The following COL4A6 variants were observed in gnomAD, a reference collection of about 807,000 sequenced individuals.
The protein encoded by COL4A6 is collagen type IV alpha 6 chain, also known as collagen alpha-6(IV) chain.
Under a neutral mutation model 126.7 loss-of-function variants are expected in COL4A6, and 59 were observed. The observed-to-expected ratio is 0.47, with a 90% CI of 0.38 to 0.58. The LOEUF (loss-of-function observed/expected upper bound fraction) is 0.58. Among genes scored for constraint, COL4A6 ranks in the 20% least tolerant of loss-of-function variants. The probability of loss-of-function intolerance (pLI) is 0.00; values close to 1 mark genes in which losing one functional copy is unlikely to be tolerated. For missense variants in COL4A6, 1,285 were observed against 1,337.3 expected (o/e 0.96, Z 0.61); for synonymous variants, 547 against 496.6 (o/e 1.10, Z -1.35).
At chrX:108,377,389 C>CTT (rs977886430) in intron 2 of COL4A6, among the ~76,000 whole-genome samples, 2 of 97,590 alleles carry the variant, frequency 2.0e-5, no homozygotes, top group Admixed American at 2.2e-4. Context: ...CTTCCTCTTT[C>CTT]TTTTTTTTTT....
rs1396799937 is a variant in COL4A6, at chrX:108,162,961, G to C, written c.4147C>G (p.Leu1383Val). Residue 1383 changes from leucine (L) to valine (V), a missense_variant, in exon 41 of 45, where the codon CTA becomes GTA. Physicochemically the swap from Leu to Val is conservative, Grantham distance 32. Transcript: ENST00000334504. ...AVQVPPGPLG[L>V]PGIDGIPGLT... Reference sequence around the variant, plus strand: ...CCAGGGATGCCATCGATCCCTGGTAGACCCAAGGGTCCAGGAGGAACCTGG... The same window carrying C: ...CCAGGGATGCCATCGATCCCTGGTACACCCAAGGGTCCAGGAGGAACCTGG... 1 of 1,200,283 alleles carries C rather than the reference G, an allele frequency of 8.3e-7. No homozygotes were observed. The highest frequency in any genetic ancestry group is 1.1e-6 in the Non-Finnish European group (1 of 890,915).
In COL4A6 at chrX:108,275,082, G is replaced by C. The variant is rs573876471; in HGVS notation, c.144+35666C>G. Among the ~76,000 whole-genome samples the C allele has an allele frequency of 2.6e-4, 29 of 110,734 alleles. 1 individual carries two copies. The South Asian group carries it at 0.011, about 43-fold the overall frequency. Reference sequence around the variant, plus strand: ...AAGAAATCTAGGGGTATATACATTAGGATGTTAACACTAATCATCCCTGCT... The same window carrying C: ...AAGAAATCTAGGGGTATATACATTACGATGTTAACACTAATCATCCCTGCT... On this transcript the variant is annotated intron_variant, in intron 3 of 44. Transcript: ENST00000334504.
intron 8 of COL4A6, among the ~76,000 whole-genome samples, chrX:108,209,132 C>T (rs1300602958): frequency 8.9e-6 from 1 of 112,205 alleles, no homozygotes; most frequent in Non-Finnish European, 1.9e-5. Flanking sequence ...TGTGCTTGCA[C>T]ACATCCCATT....
At chrX:108,249,965 G>A (rs1028429727) in intron 3 of COL4A6, among the ~76,000 whole-genome samples, 5 of 111,575 alleles carry the variant, frequency 4.5e-5, no homozygotes, top group African/African-American at 1.6e-4. Context: ...GGGACACGGA[G>A]CTTGAAATAC....
chrX:108,274,602 A>G (rs2037546684), intron 3 of COL4A6, among the ~76,000 whole-genome samples: 1 of 112,110 alleles, frequency 8.9e-6, no homozygotes, highest in Admixed American at 9.5e-5. Flanking sequence ...AGCATCAGGA[A>G]TACAGAAAAT....
At chrX:108,176,811 A>G in intron 28 of COL4A6, 30 bp downstream of exon 28, 1 of 1,176,455 alleles carries the variant, frequency 8.5e-7, no homozygotes, top group Non-Finnish European at 1.1e-6. Flanking sequence ...TTTGGCAACC[A>G]CTGGTCACTT....
chrX:108,370,569 T>C (rs1311090383), intron 2 of COL4A6, among the ~76,000 whole-genome samples: 1 of 111,933 alleles, frequency 8.9e-6, no homozygotes, highest in Non-Finnish European at 1.9e-5. Flanking sequence ...GCTAACTTTT[T>C]TGAGGTCTGA....
At chrX:108,436,907 T>A (rs2064279045) in intron 2 of COL4A6, among the ~76,000 whole-genome samples, 1 of 111,638 alleles carries the variant, frequency 9.0e-6, no homozygotes, top group African/African-American at 3.3e-5. Flanking sequence ...TATAATAGTA[T>A]TTAAAAATAT....
rs190064893 is a variant in COL4A6 at position 108,327,883 on chromosome X, C to T, written c.64-17055G>A. Among the ~76,000 whole-genome samples the T allele has an allele frequency of 1.0e-3, 113 of 110,874 alleles. 4 individuals carry two copies. In the East Asian group the frequency reaches 0.031, roughly 30 times the overall value. On this transcript the variant is annotated intron_variant, in intron 2 of 44. Transcript: ENST00000334504. The stretch of plus-strand genomic sequence containing the variant: ...AGAAGTCATTCTGAATAGGTTCCCA[C>T]TGCCCAAATAAGTGATGGCCTGAAC...
At chrX:108,227,509 A>G (rs2036201510) in intron 3 of COL4A6, among the ~76,000 whole-genome samples, 1 of 102,116 alleles carries the variant, frequency 9.8e-6, no homozygotes, top group Non-Finnish European at 2.0e-5. Context: ...TAAGATGTAC[A>G]TTGGTTCAGT....
At chrX:108,319,787 G>A (rs1207266592) in intron 2 of COL4A6, among the ~76,000 whole-genome samples, 1 of 112,161 alleles carries the variant, frequency 8.9e-6, no homozygotes, top group Non-Finnish European at 1.9e-5. Flanking sequence ...AAATGGCACT[G>A]TAGCCAGAGA....
intron 3 of COL4A6, among the ~76,000 whole-genome samples, chrX:108,275,582 A>G (rs1007451196): frequency 2.7e-5 from 3 of 112,964 alleles, no homozygotes; most frequent in African/African-American, 9.7e-5. Flanking sequence ...CCCAAATTCT[A>G]GAGTCATATT....
rs552385040 is a variant in COL4A6 at position 108,427,042 on chromosome X, C to T, written c.63+10900G>A. Among the ~76,000 whole-genome samples the T allele has an allele frequency of 7.5e-4, 84 of 111,774 alleles. 2 individuals carry two copies. In the South Asian group the frequency reaches 0.029, roughly 39 times the overall value. On this transcript the variant is annotated intron_variant, in intron 2 of 44. Transcript: ENST00000334504. Reference sequence around the variant, plus strand: ...ATATGCTGCAGGAGTGAGTCCTCCACGTATAAAGGGTTTGTTAGAGAACTG... The same window carrying T: ...ATATGCTGCAGGAGTGAGTCCTCCATGTATAAAGGGTTTGTTAGAGAACTG...
rs2063860034 is a variant in COL4A6, at chrX:108,175,075, C to T, written c.2956+15G>A. 2 of 1,172,389 alleles carry T rather than the reference C, an allele frequency of 1.7e-6. No individual in the cohort carries two copies. Among genetic ancestry groups the T allele is most frequent in the Non-Finnish European group, 2.3e-6 (2 of 878,118 alleles). The stretch of plus-strand genomic sequence containing the variant: ...TCTCTTGAGCATTTCTCCTATCCAT[C>T]CCCTGCCCCAGCACCTCTTGGCCCA... On this transcript the variant is annotated intron_variant, in intron 30 of 44. Coordinates refer to ENST00000334504, the MANE Select transcript of COL4A6 (RefSeq NM_033641.4).
intron 3 of COL4A6, among the ~76,000 whole-genome samples, chrX:108,304,393 T>C (rs1322683556): frequency 9.0e-6 from 1 of 111,467 alleles, no homozygotes; most frequent in Non-Finnish European, 1.9e-5. Context: ...CATATGTAAA[T>C]ATACAAAGAC....
At chrX:108,212,150 T>G (rs778925049) in intron 6 of COL4A6, among the ~76,000 whole-genome samples, 6 of 110,498 alleles carry the variant, frequency 5.4e-5, no homozygotes, top group Non-Finnish European at 5.7e-5. Flanking sequence ...AAGAACCAGA[T>G]AGTAAATAAT....
At chrX:108,313,555 G>A (rs1603069197) in intron 2 of COL4A6, among the ~76,000 whole-genome samples, 1 of 110,999 alleles carries the variant, frequency 9.0e-6, no homozygotes, top group Admixed American at 9.6e-5. Context: ...ACAACGTGCA[G>A]GTTTGTTACA....
In COL4A6 at chrX:108,219,718, G is replaced by C. The variant is rs1217226356; in HGVS notation, c.304C>G (p.Leu102Val). 2 of 1,209,151 alleles carry C rather than the reference G, an allele frequency of 1.7e-6. No individual in the cohort carries two copies. Among genetic ancestry groups the C allele is most frequent in the Non-Finnish European group, 2.2e-6 (2 of 893,190 alleles). The change falls in exon 5 of 45, where the codon CTT (leucine) becomes GTT (valine). Residue 102 changes from leucine (L) to valine (V), a missense_variant. Coordinates refer to ENST00000334504, the MANE Select transcript of COL4A6 (RefSeq NM_033641.4). Reference sequence around the variant, plus strand: ...CTCACCGGAATCCCATTGATGCCAAGAAAGCCAGGAACTCCCATGGGACCC... The same window carrying C: ...CTCACCGGAATCCCATTGATGCCAACAAAGCCAGGAACTCCCATGGGACCC... ...DKGPMGVPGFLGINGIPGHPG... is the reference protein window; with the variant it reads ...DKGPMGVPGFVGINGIPGHPG...
intron 4 of COL4A6, among the ~76,000 whole-genome samples, chrX:108,220,835 G>A (rs1368262244): frequency 1.8e-5 from 2 of 112,815 alleles, no homozygotes; most frequent in Non-Finnish European, 3.8e-5. Flanking sequence ...CAGCCTGGGT[G>A]GGGCATGGTG....
Sources: gnomAD v4.1 joint callset for allele counts (sites outside exome capture counted in the v4.1 genomes callset) on GRCh38, gnomAD v4.1.1 for gene constraint, MANE v1.5 for transcripts, NCBI Gene and HGNC (gene_info 2026-07-23, HGNC 2026-07-21) for gene names.